Variants in UNC5D observed in about 807,000 individuals in gnomAD.
The protein encoded by UNC5D is unc-5 netrin receptor D.
UNC5D carries 39 observed loss-of-function variants against 105.4 expected under a neutral mutation model. The ratio of observed to expected loss-of-function variants is 0.37; its 90% CI spans 0.29 to 0.48. UNC5D has a LOEUF of 0.48. Ranked by LOEUF, UNC5D falls within the 20% of genes least tolerant of loss-of-function variation. The probability of loss-of-function intolerance (pLI) is 0.98; values close to 1 mark genes in which losing one functional copy is unlikely to be tolerated. For missense variants in UNC5D, 991 were observed against 1,202.4 expected (o/e 0.82, Z 2.60); for synonymous variants, 452 against 450.4 (o/e 1.00, Z -0.04).
chr8:35,353,615 A>C lies in UNC5D; in HGVS notation c.103+117728A>C, dbSNP rs917329944. 3.9e-5 allele frequency among the ~76,000 whole-genome samples: 6 copies of C among 152,186 alleles called. No homozygotes were observed. In the East Asian group the frequency reaches 9.6e-4, roughly 24 times the overall value. ...CATCACAACATTGTTGGTAAAAAGC[A>C]AAGACTACAGGCATCTTAAAGTTCA... On this transcript the variant is annotated intron_variant, in intron 1 of 16. Coordinates refer to ENST00000404895, the MANE Select transcript of UNC5D (RefSeq NM_080872.4).
intron 1 of UNC5D, among the ~76,000 whole-genome samples, chr8:35,339,290 G>C (rs907289686): frequency 6.6e-6 from 1 of 152,146 alleles, no homozygotes; most frequent in Non-Finnish European, 1.5e-5. Context: ...AATCCTACTT[G>C]TTAATAAAAT....
At chr8:35,721,490 G>A (rs747800374) in intron 8 of UNC5D, 8 of 702,836 alleles carry the variant, frequency 1.1e-5, no homozygotes, top group Non-Finnish European at 2.1e-5. Context: ...AACAGCATGT[G>A]CCGTCCTAGC....
At chr8:35,279,687 A>G (rs984702423) in intron 1 of UNC5D, among the ~76,000 whole-genome samples, 2 of 152,166 alleles carry the variant, frequency 1.3e-5, no homozygotes, top group African/African-American at 4.8e-5. Context: ...ACCTCCACAT[A>G]TGTATAATGC....
intron 1 of UNC5D, among the ~76,000 whole-genome samples, chr8:35,304,549 T>G (rs2128873198): frequency 6.6e-6 from 1 of 152,194 alleles, no homozygotes; most frequent in Non-Finnish European, 1.5e-5. Context: ...TTCAGGCGTG[T>G]CATTTATGCT....
intron 1 of UNC5D, among the ~76,000 whole-genome samples, chr8:35,273,680 G>C (rs902059835): frequency 2.0e-5 from 3 of 152,150 alleles, no homozygotes; most frequent in African/African-American, 7.2e-5. Flanking sequence ...TTTAATTTCA[G>C]TGTTTTAGTC....
chr8:35,320,559 A>G (rs1036003969), intron 1 of UNC5D, among the ~76,000 whole-genome samples: 3 of 152,188 alleles, frequency 2.0e-5, no homozygotes, highest in South Asian at 2.1e-4. Context: ...TATGTCAAAG[A>G]AATATATTTT....
intron 1 of UNC5D, among the ~76,000 whole-genome samples, chr8:35,389,055 G>T (rs976104770): frequency 6.6e-6 from 1 of 152,158 alleles, no homozygotes; most frequent in Non-Finnish European, 1.5e-5. Context: ...ATCATTTAGG[G>T]TTTGTGTATA....
intron 2 of UNC5D, among the ~76,000 whole-genome samples, chr8:35,555,209 C>T (rs1816454185): frequency 6.6e-6 from 1 of 152,098 alleles, no homozygotes; most frequent in African/African-American, 2.4e-5. Context: ...TTCTCCCTCC[C>T]CACCTTAGAT....
chr8:35,337,760 GAAA>G (rs61593529), intron 1 of UNC5D, among the ~76,000 whole-genome samples: 2 of 140,620 alleles, frequency 1.4e-5, no homozygotes, highest in Non-Finnish European at 3.1e-5. Flanking sequence ...CTTTTTTCAA[GAAA>G]AAAAAAAACA....
chr8:35,435,167 A>G (rs1427708496), intron 1 of UNC5D, among the ~76,000 whole-genome samples: 1 of 152,142 alleles, frequency 6.6e-6, no homozygotes, highest in Non-Finnish European at 1.5e-5. Context: ...TCTATTTTAT[A>G]TATAATTACC....
At chr8:35,582,544 T>A (rs538150347) in intron 3 of UNC5D, among the ~76,000 whole-genome samples, 1 of 152,286 alleles carries the variant, frequency 6.6e-6, no homozygotes, top group African/African-American at 2.4e-5. Flanking sequence ...GTAGGAGGTG[T>A]TAGATATTTA....
intron 1 of UNC5D, among the ~76,000 whole-genome samples, chr8:35,336,336 T>A (rs1811038181): frequency 6.6e-6 from 1 of 152,122 alleles, no homozygotes; most frequent in African/African-American, 2.4e-5. Context: ...GGCTCAAAAG[T>A]TTTATGATTT....
At position 35,794,670 on chromosome 8, in the gene UNC5D, T is replaced by C. The variant is rs1803188195; in HGVS notation, c.*4107T>C. 1 of 152,664 alleles carries C rather than the reference T, an allele frequency of 6.6e-6. No individual in the cohort carries two copies. The highest frequency in any genetic ancestry group is 2.4e-5 in the African/African-American group (1 of 41,452). The allele number at this position is 152,664 out of a possible 1,614,324, so 9.5% of individuals were successfully genotyped here. On this transcript the variant is annotated 3_prime_UTR_variant, in exon 17 of 17. Coordinates refer to ENST00000404895, the MANE Select transcript of UNC5D (RefSeq NM_080872.4). The stretch of plus-strand genomic sequence containing the variant: ...GAAAATGTTACTAATCTTAGATGTG[T>C]TGCATATTTTGTGTTTTTACGTTCC...
At chr8:35,307,475 C>T (rs1045490643) in intron 1 of UNC5D, among the ~76,000 whole-genome samples, 1 of 152,088 alleles carries the variant, frequency 6.6e-6, no homozygotes, top group Non-Finnish European at 1.5e-5. Context: ...CAGACAACTG[C>T]TGTTTGACTG....
chr8:35,698,478 A>ATCTT (rs58212541), intron 7 of UNC5D, among the ~76,000 whole-genome samples: 5,027 of 152,120 alleles, frequency 0.033, 289 homozygotes, highest in African/African-American at 0.11. Context: ...TGAGTTTGGT[A>ATCTT]TCTTTAGATT....
chr8:35,518,271 T>C lies in UNC5D; in HGVS notation c.104-31021T>C, dbSNP rs533486785. On this transcript the variant is annotated intron_variant, in intron 1 of 16. Transcript: ENST00000404895. ...TTTTCTTTCACACCTCTTTCCACTT[T>C]CTTTTCCTTCCCCATTTTCTTAAAA... 4.6e-5 allele frequency among the ~76,000 whole-genome samples: 7 copies of C among 152,320 alleles called. No individual in the cohort carries two copies. The South Asian group carries it at 8.3e-4, about 18-fold the overall frequency.
intron 1 of UNC5D, among the ~76,000 whole-genome samples, chr8:35,412,264 G>C (rs1384986112): frequency 6.6e-6 from 1 of 151,976 alleles, no homozygotes; most frequent in Non-Finnish European, 1.5e-5. Context: ...TACTTAAATT[G>C]TCCTCACTGA....
intron 3 of UNC5D, among the ~76,000 whole-genome samples, chr8:35,574,819 A>G (rs1351376612): frequency 6.6e-6 from 1 of 152,052 alleles, no homozygotes; most frequent in Admixed American, 6.5e-5. Flanking sequence ...CATGACCTAG[A>G]TGCTTAGAGT....
chr8:35,737,252 C>G (rs1050096419), intron 11 of UNC5D, among the ~76,000 whole-genome samples: 32 of 119,878 alleles, frequency 2.7e-4, no homozygotes, highest in African/African-American at 7.9e-4. Flanking sequence ...AAGATCTGCT[C>G]TGTGTGTGTG....
Sources: allele counts gnomAD v4.1 joint callset (sites outside exome capture counted in the v4.1 genomes callset), GRCh38; gene constraint gnomAD v4.1.1; transcripts MANE v1.5; gene names NCBI Gene and HGNC (gene_info 2026-07-23, HGNC 2026-07-21).